Variants in SPRYD3 observed in about 807,000 individuals in gnomAD.
The protein encoded by SPRYD3 is SPRY domain-containing protein 3.
SPRYD3 carries 17 observed loss-of-function variants against 50.1 expected under a neutral mutation model. The ratio of observed to expected loss-of-function variants is 0.34; its 90% confidence interval spans 0.23 to 0.51. The LOEUF (loss-of-function observed/expected upper bound fraction) is 0.51, where lower values mean the gene tolerates loss of function less well. Ranked by LOEUF, SPRYD3 falls within the 20% of genes least tolerant of loss-of-function variation. The pLI, the probability that SPRYD3 is intolerant of heterozygous loss-of-function variation, is 0.97. For missense variants in SPRYD3, 401 were observed against 591.2 expected, an observed-to-expected ratio of 0.68 and a Z score of 3.34; for synonymous variants, 198 against 215.5, an observed-to-expected ratio of 0.92 and a Z score of 0.71.
chr12:53,075,892 C>T (rs1247427778), intron 2 of SPRYD3, 81 bp from the exon 3 acceptor site: 2 of 1,096,102 alleles, frequency 1.8e-6, no homozygotes, highest in South Asian at 1.3e-5. Context: ...CCCACCCTTA[C>T]CCTGCAAGGG....
chr12:53,067,760 G>A, intron 7 of SPRYD3, 55 bp from the exon 8 acceptor site: 1 of 1,514,158 alleles, frequency 6.6e-7, no homozygotes, highest in Non-Finnish European at 9.2e-7. Context: ...CAAGACAGGA[G>A]AGAGTGGCGA....
In SPRYD3 at chr12:53,066,377, C is replaced by CTCCTCT. The variant is rs746969482; in HGVS notation, c.1125_1130dup (p.Glu382_Glu383dup). 1.9e-6 allele frequency: 3 copies of CTCCTCT among 1,613,852 alleles called. No homozygotes were observed. Among genetic ancestry groups the CTCCTCT allele is most frequent in the Non-Finnish European group, 2.5e-6 (3 of 1,179,796 alleles). Reference sequence around the variant, plus strand: ...CCCCATCCTCTTCCTCTTCCTCTTCCTCCTCTTCCTCTTCCCCTTCCTGGT... The same window carrying CTCCTCT: ...CCCCATCCTCTTCCTCTTCCTCTTCCTCCTCTTCCTCTTCCTCTTCCCCTTCCTGGT... On this transcript the variant is annotated inframe_insertion, in exon 10 of 11. Transcript: ENST00000301463.
intron 1 of SPRYD3, chr12:53,078,226 C>A: frequency 2.8e-6 from 1 of 355,134 alleles, no homozygotes; most frequent in South Asian, 2.1e-5. Flanking sequence ...TGGTGGCTCA[C>A]GTCTGTGATC....
At chr12:53,075,880 C>T (rs1944584480) in intron 2 of SPRYD3, 69 bp from the exon 3 acceptor site, 2 of 1,250,662 alleles carry the variant, frequency 1.6e-6, no homozygotes, top group Admixed American at 1.7e-5. Flanking sequence ...GCCTCAGCTT[C>T]TCCCACCCTT....
In SPRYD3 at chr12:53,077,219, G is replaced by A; in HGVS notation, c.66C>T (p.Tyr22=). 1 of 1,614,198 alleles carries A rather than the reference G, an allele frequency of 6.2e-7. No individual in the cohort carries two copies. The change falls in exon 2 of 11, where the codon TAC becomes TAT. Residue 22 remains tyrosine, a synonymous_variant. Coordinates refer to ENST00000301463, the MANE Select transcript of SPRYD3 (RefSeq NM_032840.3). ...MNKMDDLNLH[Y]RFLNWRRRIR... is the part of the protein sequence containing the mutation. ...TCCGCCGGCGCCAATTCAGAAACCG[G>A]TAGTGCAGGTTGAGGTCATCCATCT...
Position 53,079,180 on chromosome 12 carries a change from G to T in SPRYD3, c.23+131C>A, listed in dbSNP as rs1429187784. 10 of 971,764 alleles carry T rather than the reference G, an allele frequency of 1.0e-5. No homozygotes were observed. In the African/African-American group the frequency reaches 1.5e-4, roughly 14 times the overall value. The allele number at this position is 971,764 out of a possible 1,614,324, so 60.2% of individuals were successfully genotyped here. ...GCACTGGGCCGAGGGTGCAGCAACA[G>T]AAGAAGCCCAGTGACCAGAGCGCAG... On this transcript the variant is annotated intron_variant, in intron 1 of 10. Coordinates refer to ENST00000301463, the MANE Select transcript of SPRYD3 (RefSeq NM_032840.3).
In SPRYD3 at chr12:53,074,666, TGAA is replaced by T; in HGVS notation, c.487_489del (p.Phe163del). ...CCACTCACCCGCTTCCCATTTTTGG[TGAA>T]GAAGATCTGGGCGGTCTGCACATCA... is the stretch of plus-strand genomic sequence containing the variant. On this transcript the variant is annotated inframe_deletion, in exon 5 of 11. Coordinates refer to ENST00000301463, the MANE Select transcript of SPRYD3 (RefSeq NM_032840.3). The surrounding 1 kb of genome is among the most constrained non-coding windows in gnomAD (Gnocchi z 4.6). The T allele has an allele frequency of 6.2e-7, 1 of 1,614,244 alleles. No homozygotes were observed. The highest frequency in any genetic ancestry group is 8.5e-7 in the Non-Finnish European group (1 of 1,180,040).
In SPRYD3 at chr12:53,065,700, G is replaced by T; in HGVS notation, c.*132C>A. The T allele has an allele frequency of 1.1e-6, 1 of 928,686 alleles. No homozygotes were observed. The highest frequency in any genetic ancestry group is 1.7e-5 in the African/African-American group (1 of 60,504). The allele number at this position is 928,686 out of a possible 1,614,324, so 57.5% of individuals were successfully genotyped here. A position where few individuals can be genotyped will look rare whatever the true frequency, so the allele number is the denominator to read the frequency against. ...ACAGAGAAGCGTGACAGGGGCCTGA[G>T]CCAGTGGGGGCAGAGTGACTACACA... On this transcript the variant is annotated 3_prime_UTR_variant, in exon 11 of 11. Transcript: ENST00000301463.
chr12:53,069,015 T>C (rs985869039), intron 6 of SPRYD3, among the ~76,000 whole-genome samples: 2 of 152,034 alleles, frequency 1.3e-5, no homozygotes, highest in Non-Finnish European at 2.9e-5. Context: ...CAGCCCCTCA[T>C]TGCTCATTCA....
At position 53,079,022 on chromosome 12, in the gene SPRYD3, T is replaced by G. The variant is rs889766406; in HGVS notation, c.23+289A>C. Among the ~76,000 whole-genome samples, 3 of 152,076 alleles carry G rather than the reference T, an allele frequency of 2.0e-5. No individual in the cohort carries two copies. In the South Asian group the frequency reaches 6.2e-4, roughly 32 times the overall value. On this transcript the variant is annotated intron_variant, in intron 1 of 10. Coordinates refer to ENST00000301463, the MANE Select transcript of SPRYD3 (RefSeq NM_032840.3). Reference sequence around the variant, plus strand: ...GATGCTGGTTGCGCAGACCCCACAGTCTTGGCACCGGCGAGTGGCGGCCCT... The same window carrying G: ...GATGCTGGTTGCGCAGACCCCACAGGCTTGGCACCGGCGAGTGGCGGCCCT...
chr12:53,072,442 G>C (rs569429350), intron 6 of SPRYD3, among the ~76,000 whole-genome samples: 7 of 152,196 alleles, frequency 4.6e-5, no homozygotes, highest in African/African-American at 1.7e-4. Flanking sequence ...AGGCCAGAGG[G>C]TGGAGAAAAA....
chr12:53,075,551 T>C (rs1944582058), intron 3 of SPRYD3, among the ~76,000 whole-genome samples, 185 bp downstream of exon 3: 3 of 151,978 alleles, frequency 2.0e-5, no homozygotes, highest in South Asian at 2.1e-4. Flanking sequence ...GGGTGACAGG[T>C]TTCCAGGGCA....
intron 6 of SPRYD3, among the ~76,000 whole-genome samples, chr12:53,070,824 A>G (rs965456356): frequency 6.6e-6 from 1 of 152,138 alleles, no homozygotes; most frequent in African/African-American, 2.4e-5. Context: ...ACTCTACCCT[A>G]TGTGTCTCCT....
intron 6 of SPRYD3, 53 bp downstream of exon 6, chr12:53,073,233 T>C: frequency 8.2e-7 from 1 of 1,225,296 alleles, no homozygotes; most frequent in Non-Finnish European, 1.2e-6. Context: ...CCACAGGTGT[T>C]CTGCCCAGCC....
Position 53,074,650 on chromosome 12 carries a change from C to G in SPRYD3, c.506G>C (p.Arg169Pro). 2 of 1,614,264 alleles carry G rather than the reference C, an allele frequency of 1.2e-6. No individual in the cohort carries two copies. Among genetic ancestry groups the G allele is most frequent in the Non-Finnish European group, 1.7e-6 (2 of 1,180,044 alleles). Residue 169 changes from arginine to proline, a missense_variant and splice_region_variant, in exon 5 of 11, where the codon CGG becomes CCG. Arg to Pro is a moderately radical substitution (Grantham distance 103). Transcript: ENST00000301463. This position sits in a 1 kb window ranked among gnomAD's most constrained non-coding sequence, Gnocchi z 4.6. The stretch of plus-strand genomic sequence containing the variant: ...ATCCCACCACTATTTCCCACTCACC[C>G]GCTTCCCATTTTTGGTGAAGAAGAT... ...AQIFFTKNGK[R>P]VGSTIMPMSP...
rs755680790 is a variant in SPRYD3, at chr12:53,066,414, A to T, written c.1094T>A (p.Val365Asp). The T allele has an allele frequency of 1.9e-6, 3 of 1,613,750 alleles. No homozygotes were observed. In the East Asian group the frequency reaches 6.7e-5, roughly 36 times the overall value. Residue 365 changes from valine (V) to aspartate (D), a missense_variant, in exon 10 of 11, where the codon GTC becomes GAC. Val to Asp is a radical substitution (Grantham distance 152). Coordinates refer to ENST00000301463, the MANE Select transcript of SPRYD3 (RefSeq NM_032840.3). ...TTCCCCTTCCTGGTGCAGGTACATG[A>T]CATTCCGCACGTTCCGGACGGCCCG... ...TARAVRNVRN[V>D]MYLHQEGEEE...
At position 53,074,590 on chromosome 12, in the gene SPRYD3, C is replaced by A. The variant is rs1298547310; in HGVS notation, c.507+59G>T. The A allele has an allele frequency of 5.0e-6, 8 of 1,607,740 alleles. No individual in the cohort carries two copies. Among genetic ancestry groups the A allele is most frequent in the Non-Finnish European group, 6.8e-6 (8 of 1,175,586 alleles). On this transcript the variant is annotated intron_variant, in intron 5 of 10. Coordinates refer to ENST00000301463, the MANE Select transcript of SPRYD3 (RefSeq NM_032840.3). This position sits in a 1 kb window ranked among gnomAD's most constrained non-coding sequence, Gnocchi z 4.6. ...AGCCAGCAGACTCTTCCTAATCACT[C>A]CCCACAAATCCTTGGGCAGATTTCA... is the stretch of plus-strand genomic sequence containing the variant.
intron 7 of SPRYD3, 73 bp downstream of exon 7, chr12:53,068,082 C>A: frequency 6.4e-7 from 1 of 1,573,796 alleles, no homozygotes. Flanking sequence ...CTCCTAAGAG[C>A]TTCCTGGTGC....
Position 53,067,693 on chromosome 12 carries a change from T to C in SPRYD3, c.856A>G (p.Asn286Asp). 2 of 1,614,030 alleles carry C rather than the reference T, an allele frequency of 1.2e-6. No homozygotes were observed. The highest frequency in any genetic ancestry group is 1.7e-6 in the Non-Finnish European group (2 of 1,179,958). ...LGLARKDYPK[N>D]RHPGWSRGSV... ...CCTCTGCTCCAGCCAGGGTGCCTGT[T>C]CTTGGGATAGTCCTGCACCAAGAAG... The change falls in exon 8 of 11, where the codon AAC becomes GAC. Residue 286 changes from asparagine to aspartate, a missense_variant. Asn to Asp is a conservative substitution (Grantham distance 23, BLOSUM62 1). Coordinates refer to ENST00000301463, the MANE Select transcript of SPRYD3 (RefSeq NM_032840.3).
Sources: gnomAD v4.1 joint callset for allele counts (sites outside exome capture counted in the v4.1 genomes callset) on GRCh38, gnomAD v4.1.1 for gene constraint, Gnocchi (gnomAD v3.1) non-coding constraint, MANE v1.5 for transcripts, NCBI Gene and HGNC (gene_info 2026-07-23, HGNC 2026-07-21) for gene names.